The following MKX variants were observed in gnomAD, a reference collection of about 807,000 sequenced individuals.
The protein encoded by MKX is homeobox protein Mohawk.
In MKX, 13 loss-of-function variants were observed where a neutral mutation model predicts 36.0. The ratio of observed to expected loss-of-function variants is 0.36; its 90% CI spans 0.24 to 0.57. The LOEUF (loss-of-function observed/expected upper bound fraction) is 0.57. Among genes scored for constraint, MKX ranks in the 20% least tolerant of loss-of-function variants. The probability of loss-of-function intolerance (pLI) is 0.79; values close to 1 mark genes in which losing one functional copy is unlikely to be tolerated. For synonymous variants in MKX, 176 were observed against 178.3 expected, an observed-to-expected ratio of 0.99 and a Z score of 0.10; for missense variants, 458 against 456.4, an observed-to-expected ratio of 1.00 and a Z score of -0.03.
chr10:27,728,598 T>C (rs1441457415), intron 5 of MKX, among the ~76,000 whole-genome samples: 1 of 152,210 alleles, frequency 6.6e-6, no homozygotes, highest in Non-Finnish European at 1.5e-5. Context: ...CATATACCAA[T>C]GGACTGTGTC....
chr10:27,684,392 TAAG>T (rs1836306857), intron 5 of MKX, among the ~76,000 whole-genome samples: 1 of 152,034 alleles, frequency 6.6e-6, no homozygotes, highest in South Asian at 2.1e-4. Flanking sequence ...TTTTCTTTAA[TAAG>T]AAAGTAATAC....
At chr10:27,714,304 T>C (rs1447315685) in intron 5 of MKX, among the ~76,000 whole-genome samples, 1 of 152,208 alleles carries the variant, frequency 6.6e-6, no homozygotes, top group Admixed American at 6.5e-5. Flanking sequence ...TTCCATGTTA[T>C]TTTAGTTCAA....
At chr10:27,687,453 C>G (rs767502827) in intron 5 of MKX, among the ~76,000 whole-genome samples, 4 of 152,118 alleles carry the variant, frequency 2.6e-5, no homozygotes, top group Non-Finnish European at 4.4e-5. Context: ...TGCCTCGGGT[C>G]GATGTGGGAA....
At chr10:27,679,124 G>A (rs1004493736) in intron 5 of MKX, among the ~76,000 whole-genome samples, 2 of 152,126 alleles carry the variant, frequency 1.3e-5, no homozygotes, top group African/African-American at 4.8e-5. Flanking sequence ...CCTGTCGGGA[G>A]GTGGGGGGCT....
intron 5 of MKX, among the ~76,000 whole-genome samples, chr10:27,711,501 TCC>T (rs1836868007): frequency 2.1e-5 from 1 of 48,612 alleles, no homozygotes; most frequent in African/African-American, 1.4e-4. Context: ...CTCTCTTCTT[TCC>T]TTCCTTCCTT....
chr10:27,731,192 CAAAT>C (rs1465629117), intron 5 of MKX, among the ~76,000 whole-genome samples: 1 of 141,540 alleles, frequency 7.1e-6, no homozygotes, highest in East Asian at 2.1e-4. Context: ...GTAACAAAAA[CAAAT>C]AAATTGTAAA....
At chr10:27,707,549 G>A (rs1350768400) in intron 5 of MKX, among the ~76,000 whole-genome samples, 3 of 152,070 alleles carry the variant, frequency 2.0e-5, no homozygotes, top group South Asian at 4.1e-4. Context: ...ATGAGGACGC[G>A]GGAACCCAGC....
Position 27,701,827 on chromosome 10 carries a change from GTATATA to G in MKX, c.839-26279_839-26274del, listed in dbSNP as rs10609979. Among the ~76,000 whole-genome samples, 1,061 of 145,488 alleles carry G rather than the reference GTATATA, an allele frequency of 7.3e-3. 11 individuals carry two copies. Among genetic ancestry groups the G allele is most frequent in the South Asian group, 0.024 (115 of 4,704 alleles). On this transcript the variant is annotated intron_variant, in intron 5 of 6. Transcript: ENST00000419761. Reference sequence around the variant, plus strand: ...ACAGTTATTTTGTGTGTGTGTGTGTGTATATATATATATATATATACACAAAGAAGG... The same window carrying G: ...ACAGTTATTTTGTGTGTGTGTGTGTGTATATATATATATACACAAAGAAGG...
intron 5 of MKX, among the ~76,000 whole-genome samples, chr10:27,682,788 G>A (rs1322846715): frequency 3.3e-5 from 5 of 151,962 alleles, no homozygotes; most frequent in Non-Finnish European, 7.4e-5. Flanking sequence ...AGACCAGTCT[G>A]GCCAATACAG....
At chr10:27,740,320 T>C (rs1834865474) in intron 3 of MKX, among the ~76,000 whole-genome samples, 1 of 152,242 alleles carries the variant, frequency 6.6e-6, no homozygotes, top group Non-Finnish European at 1.5e-5. Context: ...GCTACCGCAA[T>C]GTGCAAAACT....
intron 5 of MKX, among the ~76,000 whole-genome samples, chr10:27,715,750 ATACTT>A (rs1836951899): frequency 6.6e-6 from 1 of 152,146 alleles, no homozygotes; most frequent in Non-Finnish European, 1.5e-5. Flanking sequence ...TGCTCCTTTC[ATACTT>A]TACTGACGTC....
rs1304343276 is a variant in MKX at position 27,744,329 on chromosome 10, C to A, written c.-82-832G>T. Among the ~76,000 whole-genome samples the A allele has an allele frequency of 6.6e-6, 1 of 152,136 alleles. No homozygotes were observed. The highest frequency in any genetic ancestry group is 6.5e-5 in the Admixed American group (1 of 15,294). On this transcript the variant is annotated intron_variant, in intron 1 of 6. Transcript: ENST00000419761. The surrounding 1 kb of genome is among the most constrained non-coding windows in gnomAD (Gnocchi z 5.6). ...GCCGCGAGCTCGTAGCCCCTCGACA[C>A]CCGCCTCTCTCTGGGGTCTCCGGGG...
At chr10:27,732,687 A>G (rs1023827641) in intron 5 of MKX, among the ~76,000 whole-genome samples, 1 of 152,142 alleles carries the variant, frequency 6.6e-6, no homozygotes, top group African/African-American at 2.4e-5. Context: ...ATAAACATTC[A>G]TAAAACTCTG....
intron 5 of MKX, among the ~76,000 whole-genome samples, chr10:27,715,190 G>T (rs940536161): frequency 1.3e-5 from 1 of 79,824 alleles, no homozygotes; most frequent in Non-Finnish European, 3.8e-5. Context: ...CAGGAGAATT[G>T]CTGCAGGCAG....
chr10:27,709,180 G>GTAAA (rs3063052), intron 5 of MKX, among the ~76,000 whole-genome samples: 139,753 of 151,746 alleles, frequency 0.92, 64,369 homozygotes, highest in East Asian at 1. Flanking sequence ...AAAGAAAAAA[G>GTAAA]TAAATAAATA....
rs879771361 is a variant in MKX, at chr10:27,742,757, T to C, written c.188+471A>G. On this transcript the variant is annotated intron_variant, in intron 2 of 6. Coordinates refer to ENST00000419761, the MANE Select transcript of MKX (RefSeq NM_173576.3). The surrounding 1 kb of genome is among the most constrained non-coding windows in gnomAD (Gnocchi z 4.2). ...CCTGGCGGGAGGCGACCTTCCCGAC[T>C]CCTTGGGCCAGGCGAGCCGCGGGGC... 6.6e-5 allele frequency among the ~76,000 whole-genome samples: 10 copies of C among 151,744 alleles called. No homozygotes were observed. The highest frequency in any genetic ancestry group is 5.2e-4 in the Admixed American group (8 of 15,268).
chr10:27,711,510 C>CTCTCTCTCT (rs1564357157), intron 5 of MKX, among the ~76,000 whole-genome samples: 1 of 114,768 alleles, frequency 8.7e-6, no homozygotes, highest in African/African-American at 4.4e-5. Flanking sequence ...TTCCTTCCTT[C>CTCTCTCTCT]CTTCCTTCCT....
intron 5 of MKX, among the ~76,000 whole-genome samples, chr10:27,687,498 GC>G (rs1224528591): frequency 3.3e-5 from 5 of 152,324 alleles, no homozygotes; most frequent in African/African-American, 1.2e-4. Flanking sequence ...GGGAGCTACA[GC>G]CCTGGCTGGT....
chr10:27,705,044 G>GA, intron 5 of MKX, among the ~76,000 whole-genome samples: 1 of 152,178 alleles, frequency 6.6e-6, no homozygotes, highest in Non-Finnish European at 1.5e-5. Context: ...GTGCACACAG[G>GA]AAAATGGAAT....
Sources: allele counts gnomAD v4.1 joint callset (sites outside exome capture counted in the v4.1 genomes callset), GRCh38; gene constraint gnomAD v4.1.1; non-coding constraint Gnocchi (gnomAD v3.1); transcripts MANE v1.5; gene names NCBI Gene and HGNC (gene_info 2026-07-23, HGNC 2026-07-21).